Variants in ZZEF1 observed in about 807,000 individuals in gnomAD.
The protein encoded by ZZEF1 is zinc finger ZZ-type and EF-hand domain containing 1, also known as zinc finger ZZ-type and EF-hand domain-containing protein 1.
In ZZEF1, 157 loss-of-function variants were observed where a neutral mutation model predicts 342.8. That is an observed-to-expected ratio of 0.46 (90% CI 0.40 to 0.52). ZZEF1 has a LOEUF of 0.52. Among genes scored for constraint, ZZEF1 ranks in the 20% least tolerant of loss-of-function variants. The pLI is 0.00. For synonymous variants in ZZEF1, 1,505 were observed against 1,429.1 expected (o/e 1.05, Z -1.20); for missense variants, 3,480 against 3,725.6 (o/e 0.93, Z 1.72).
intron 38 of ZZEF1, 104 bp downstream of exon 38, chr17:4,044,119 CT>C: frequency 2.3e-6 from 3 of 1,292,536 alleles, no homozygotes; most frequent in Non-Finnish European, 3.3e-6. Context: ...CCACGCACCC[CT>C]GGCGTCTAGC....
rs376873150 is a variant in ZZEF1 at position 4,090,793 on chromosome 17, G to C, written c.1951C>G (p.Pro651Ala). 3 of 1,613,958 alleles carry C rather than the reference G, an allele frequency of 1.9e-6. No individual in the cohort carries two copies. The Admixed American group carries it at 5.0e-5, about 27-fold the overall frequency. Residue 651 changes from proline (P) to alanine (A), a missense_variant, in exon 12 of 55, where the codon CCT becomes GCT. Physicochemically the swap from Pro to Ala is conservative, Grantham distance 27. Around this residue, in one of 5 missense-constraint regions of ZZEF1, gnomAD observed 1,528 missense variants for 1,624.1 expected, o/e 0.94. Transcript: ENST00000381638. ...CSSDDLGEDDPIGWFELEEEW... is the reference protein window; with the variant it reads ...CSSDDLGEDDAIGWFELEEEW... The stretch of plus-strand genomic sequence containing the variant: ...TCTTCCAGTTCAAACCAGCCAATAG[G>C]ATCATCCTCTCCAAGGTCATCAGAT...
rs779219100 is a variant in ZZEF1, at chr17:4,009,579, T to G, written c.8733+25A>C. 3.7e-6 allele frequency: 6 copies of G among 1,609,508 alleles called. No individual in the cohort carries two copies. In the South Asian group the frequency reaches 6.6e-5, roughly 18 times the overall value. ...GCAAACGCACATGGAGGCACCGGGC[T>G]CCCTGCCCAGACCTCAGGCCTCACC... is the stretch of plus-strand genomic sequence containing the variant. On this transcript the variant is annotated intron_variant, in intron 53 of 54. Coordinates refer to ENST00000381638, the MANE Select transcript of ZZEF1 (RefSeq NM_015113.4).
intron 1 of ZZEF1, among the ~76,000 whole-genome samples, chr17:4,124,685 T>C (rs1597928898): frequency 6.6e-6 from 1 of 150,996 alleles, no homozygotes; most frequent in Non-Finnish European, 1.5e-5. Flanking sequence ...CTCAAACTCC[T>C]GACCTCAGGT....
intron 33 of ZZEF1, among the ~76,000 whole-genome samples, chr17:4,055,694 C>T (rs1466684159): frequency 3.3e-5 from 5 of 152,184 alleles, no homozygotes; most frequent in Admixed American, 6.5e-5. Flanking sequence ...GCTTTAAGAG[C>T]CAATTTTTCA....
At chr17:4,109,945 A>G (rs1360350833) in intron 5 of ZZEF1, 82 bp from the exon 6 acceptor site, 3 of 1,349,636 alleles carry the variant, frequency 2.2e-6, no homozygotes, top group African/African-American at 2.9e-5. Context: ...GCAAAATAGT[A>G]ATAGACATTT....
rs16953703 is a variant in ZZEF1, at chr17:4,099,055, A to G, written c.1673-2355T>C. On this transcript the variant is annotated intron_variant, in intron 9 of 54. Coordinates refer to ENST00000381638, the MANE Select transcript of ZZEF1 (RefSeq NM_015113.4). ...TAGTCTCAATGTAGTAGCAGAAGCAATAATTTAAGTCAACAGAATCGGATA... is the reference window on the plus strand; with the variant it reads ...TAGTCTCAATGTAGTAGCAGAAGCAGTAATTTAAGTCAACAGAATCGGATA... Among the ~76,000 whole-genome samples, 1,292 of 152,356 alleles carry G rather than the reference A, an allele frequency of 8.5e-3. 16 individuals carry two copies. The highest frequency in any genetic ancestry group is 0.03 in the African/African-American group (1,234 of 41,580).
intron 18 of ZZEF1, among the ~76,000 whole-genome samples, chr17:4,079,740 G>T (rs1157362309): frequency 6.6e-6 from 1 of 152,162 alleles, no homozygotes; most frequent in African/African-American, 2.4e-5. Context: ...GTCCCCATCA[G>T]TGAATTGGGG....
At chr17:4,076,444 T>C (rs2145304984) in intron 21 of ZZEF1, 193 bp downstream of exon 21, 2 of 635,534 alleles carry the variant, frequency 3.1e-6, no homozygotes, top group South Asian at 6.1e-5. Flanking sequence ...CTGCGTCTCC[T>C]TTCTAATGCT....
chr17:4,142,795 G>T lies in ZZEF1; in HGVS notation c.101C>A (p.Thr34Asn). 1 of 1,412,418 alleles carries T rather than the reference G, an allele frequency of 7.1e-7. No individual in the cohort carries two copies. The highest frequency in any genetic ancestry group is 9.1e-7 in the Non-Finnish European group (1 of 1,095,258). The allele number at this position is 1,412,418 out of a possible 1,614,324, so 87.5% of individuals were successfully genotyped here. A position where few individuals can be genotyped will look rare whatever the true frequency, so the allele number is the denominator to read the frequency against. The change falls in exon 1 of 55, where the codon ACC becomes AAC. Residue 34 changes from threonine (T) to asparagine (N), a missense_variant. Physicochemically the swap from Thr to Asn is moderately conservative, Grantham distance 65. Around this residue, in one of 5 missense-constraint regions of ZZEF1, gnomAD observed 416 missense variants for 374.2 expected, o/e 1.11. Transcript: ENST00000381638. ...TGGAGCCGCGACGCCCGGGCCGGGG[G>T]TCGTGCCCGAGACCGCGGCCCAGTC... is the stretch of plus-strand genomic sequence containing the variant. ...HQDWAAVSGT[T>N]PGPGVAAPAL...
At chr17:4,063,005 A>G (rs1168047548) in intron 29 of ZZEF1, 88 bp from the exon 30 acceptor site, 12 of 1,355,574 alleles carry the variant, frequency 8.9e-6, no homozygotes, top group Non-Finnish European at 9.9e-6. Context: ...CTGATGCCAT[A>G]TATCAAAGAG....
At position 4,126,225 on chromosome 17, in the gene ZZEF1, CAAA is replaced by C. The variant is rs34213678; in HGVS notation, c.355-2177_355-2175del. 2.3e-3 allele frequency among the ~76,000 whole-genome samples: 220 copies of C among 94,092 alleles called. No homozygotes were observed. In the East Asian group the frequency reaches 0.027, roughly 12 times the overall value. The allele number at this position is 94,092 out of a possible 152,430, so 61.7% of individuals were successfully genotyped here. ...GGTGACAGAGAGCAAGACTCCGTCT[CAAA>C]AAAAAAAAAAAAAAAAAGAGTTAGG... On this transcript the variant is annotated intron_variant, in intron 1 of 54. Transcript: ENST00000381638.
intron 1 of ZZEF1, among the ~76,000 whole-genome samples, chr17:4,138,850 G>C (rs537012745): frequency 6.6e-5 from 10 of 152,354 alleles, no homozygotes; most frequent in Non-Finnish European, 1.5e-4. Context: ...CTACATGGCA[G>C]TTAATTAAAT....
chr17:4,127,265 A>G (rs974123771), intron 1 of ZZEF1, among the ~76,000 whole-genome samples: 4 of 152,092 alleles, frequency 2.6e-5, no homozygotes, highest in Non-Finnish European at 5.9e-5. Context: ...CGGCCTCCCA[A>G]AGAGTTGAGA....
Position 4,118,579 on chromosome 17 carries a change from C to G in ZZEF1, c.500-1413G>C, listed in dbSNP as rs146862707. 2.0e-3 allele frequency among the ~76,000 whole-genome samples: 301 copies of G among 152,290 alleles called. 1 individual carries two copies. Among genetic ancestry groups the G allele is most frequent in the African/African-American group, 6.8e-3 (281 of 41,556 alleles). ...CCTGGACCTGTTTCAGAGCTACCTT[C>G]TGTCCTGGACCCCTCTCAAAACTGG... On this transcript the variant is annotated intron_variant, in intron 2 of 54. Transcript: ENST00000381638.
Position 4,008,711 on chromosome 17 carries a change from T to C in ZZEF1, c.8805+172A>G. ...GAATGACTCTGATAAATGGGGCTCGTGCATGCTCTCTGAGCACCAGGAGGA... is the reference window on the plus strand; with the variant it reads ...GAATGACTCTGATAAATGGGGCTCGCGCATGCTCTCTGAGCACCAGGAGGA... On this transcript the variant is annotated intron_variant, in intron 54 of 54. Coordinates refer to ENST00000381638, the MANE Select transcript of ZZEF1 (RefSeq NM_015113.4). The surrounding 1 kb of genome is among the most constrained non-coding windows in gnomAD (Gnocchi z 4.2). The C allele has an allele frequency of 2.1e-6, 3 of 1,398,336 alleles. No individual in the cohort carries two copies. The highest frequency in any genetic ancestry group is 2.8e-6 in the Non-Finnish European group (3 of 1,076,004). 86.6% of individuals were successfully genotyped at this position (1,398,336 alleles called of 1,614,324 possible).
At chr17:4,041,926 AT>A (rs2056811707) in intron 39 of ZZEF1, among the ~76,000 whole-genome samples, 1 of 152,130 alleles carries the variant, frequency 6.6e-6, no homozygotes, top group Non-Finnish European at 1.5e-5. Context: ...ATAATTGGGA[AT>A]ATCTGTATTT....
At chr17:4,114,273 A>C in intron 4 of ZZEF1, 26 bp downstream of exon 4, 5 of 1,484,038 alleles carry the variant, frequency 3.4e-6, no homozygotes, top group Non-Finnish European at 4.5e-6. Context: ...ATTTTAAAAA[A>C]CAAAAAAGTA....
Position 4,057,925 on chromosome 17 carries a change from G to A in ZZEF1, c.5165+69C>T, listed in dbSNP as rs187825688. On this transcript the variant is annotated intron_variant, in intron 32 of 54. Transcript: ENST00000381638. ...TAGCTCCGGAGTCTGTGCTCTTAACGCCCCCACTATGTTCCTTGCGTTTCA... is the reference window on the plus strand; with the variant it reads ...TAGCTCCGGAGTCTGTGCTCTTAACACCCCCACTATGTTCCTTGCGTTTCA... The A allele has an allele frequency of 1.3e-4, 199 of 1,494,794 alleles. 1 individual carries two copies. In the East Asian group the frequency reaches 3.6e-3, roughly 27 times the overall value. 92.6% of individuals were successfully genotyped at this position (1,494,794 alleles called of 1,614,324 possible).
At chr17:4,084,539 C>G (rs182191035) in intron 16 of ZZEF1, among the ~76,000 whole-genome samples, 15 of 152,340 alleles carry the variant, frequency 9.8e-5, no homozygotes, top group Middle Eastern at 3.4e-3. Context: ...GTTTTACCAT[C>G]ATTGTAACAC....
Sources: allele counts gnomAD v4.1 joint callset (sites outside exome capture counted in the v4.1 genomes callset), GRCh38; gene constraint gnomAD v4.1.1; regional missense constraint gnomAD v4.1.1; non-coding constraint Gnocchi (gnomAD v3.1); transcripts MANE v1.5; gene names NCBI Gene and HGNC (gene_info 2026-07-23, HGNC 2026-07-21).